The following OSBPL10 variants were observed in gnomAD, a reference collection of about 807,000 sequenced individuals.
OSBPL10 encodes oxysterol binding protein like 10.
A neutral mutation model predicts 81.7 loss-of-function variants in OSBPL10; 49 were observed. The ratio of observed to expected loss-of-function variants is 0.60; its 90% CI spans 0.48 to 0.76. The LOEUF is 0.76. OSBPL10 is among the 30% of genes least tolerant of loss of function. The pLI is 0.00. For missense variants in OSBPL10, 923 were observed against 987.8 expected (o/e 0.93, Z 0.88); for synonymous variants, 419 against 383.6 (o/e 1.09, Z -1.08).
At chr3:31,790,823 T>C (rs972414672) in intron 4 of OSBPL10, among the ~76,000 whole-genome samples, 2 of 152,194 alleles carry the variant, frequency 1.3e-5, no homozygotes, top group Non-Finnish European at 2.9e-5. Flanking sequence ...TTAACATCAT[T>C]GGAATCAGAT....
In OSBPL10 at chr3:31,728,176, A is replaced by G. The variant is rs1020334857; in HGVS notation, c.1095+5081T>C. The stretch of plus-strand genomic sequence containing the variant: ...GTACTCAGTACATAAAGATATTATA[A>G]GTTTTTCTACGCCTGCTAGATTTGT... On this transcript the variant is annotated intron_variant, in intron 6 of 11. Coordinates refer to ENST00000396556, the MANE Select transcript of OSBPL10 (RefSeq NM_017784.5). Among the ~76,000 whole-genome samples the G allele has an allele frequency of 4.6e-5, 7 of 152,374 alleles. 2 individuals carry two copies. Among genetic ancestry groups the G allele is most frequent in the Admixed American group, 2.0e-4 (3 of 15,310 alleles).
intron 6 of OSBPL10, among the ~76,000 whole-genome samples, chr3:31,716,000 C>T (rs1696420904): frequency 6.6e-6 from 1 of 152,166 alleles, no homozygotes; most frequent in Non-Finnish European, 1.5e-5. Flanking sequence ...GCAGGGACAG[C>T]AGAAAACATG....
intron 3 of OSBPL10, among the ~76,000 whole-genome samples, chr3:31,865,771 T>A (rs1359174042): frequency 6.6e-6 from 1 of 152,260 alleles, no homozygotes; most frequent in East Asian, 1.9e-4. Flanking sequence ...GTGTCATTTG[T>A]CAGATTGCCA....
chr3:32,048,664 C>A (rs1437902297), intron 1 of OSBPL10, among the ~76,000 whole-genome samples: 1 of 151,998 alleles, frequency 6.6e-6, no homozygotes, highest in Non-Finnish European at 1.5e-5. Context: ...CCCTTTAAAT[C>A]CCCCCATCCA....
At chr3:31,815,309 T>C (rs559789898) in intron 4 of OSBPL10, among the ~76,000 whole-genome samples, 1 of 152,172 alleles carries the variant, frequency 6.6e-6, no homozygotes, top group Non-Finnish European at 1.5e-5. Context: ...CAGACCAAAC[T>C]GCTGATTCGT....
At position 31,965,971 on chromosome 3, in the gene OSBPL10, TAG is replaced by T. The variant is rs1263721206; in HGVS notation, c.281+14926_281+14927del. On this transcript the variant is annotated intron_variant, in intron 1 of 11. Transcript: ENST00000396556. ...AATATATATTATATATTATATAAAA[TAG>T]ATAATATATATTATATAAAATATAA... Among the ~76,000 whole-genome samples the T allele has an allele frequency of 4.7e-5, 6 of 127,228 alleles. No homozygotes were observed. The East Asian group carries it at 9.3e-4, about 20-fold the overall frequency. 83.5% of individuals were successfully genotyped at this position (127,228 alleles called of 152,430 possible).
chr3:31,896,818 G>C (rs1432501766), intron 1 of OSBPL10, among the ~76,000 whole-genome samples: 1 of 152,194 alleles, frequency 6.6e-6, no homozygotes, highest in Non-Finnish European at 1.5e-5. Context: ...ACAGGAGGCA[G>C]AGTTAGCAAA....
At chr3:31,902,022 T>C (rs892784607) in intron 1 of OSBPL10, among the ~76,000 whole-genome samples, 1 of 152,142 alleles carries the variant, frequency 6.6e-6, no homozygotes, top group South Asian at 2.1e-4. Flanking sequence ...AGTGAGGCTC[T>C]GTCTCCAAAA....
chr3:32,039,335 TAAATA>T (rs1187306656), intron 2 of OSBPL10, among the ~76,000 whole-genome samples: 1 of 119,568 alleles, frequency 8.4e-6, no homozygotes, highest in African/African-American at 2.9e-5. Flanking sequence ...CAAAAATAAA[TAAATA>T]AATTAATTAA....
rs1235543261 is a variant in OSBPL10, at chr3:31,948,131, CA to C, written c.281+32767del. Among the ~76,000 whole-genome samples, 5 of 152,328 alleles carry C rather than the reference CA, an allele frequency of 3.3e-5. No homozygotes were observed. In the South Asian group the frequency reaches 8.3e-4, roughly 25 times the overall value. ...GAAAGGTACAGGCATGAAGTATTAG[CA>C]GCTAACTCCCTCAATTAGTCAAGGG... On this transcript the variant is annotated intron_variant, in intron 1 of 11. Coordinates refer to ENST00000396556, the MANE Select transcript of OSBPL10 (RefSeq NM_017784.5).
chr3:32,037,139 G>C (rs1284402892), intron 2 of OSBPL10, among the ~76,000 whole-genome samples: 1 of 152,194 alleles, frequency 6.6e-6, no homozygotes, highest in Non-Finnish European at 1.5e-5. Flanking sequence ...AACAGTACAT[G>C]CTGGAAGAAA....
rs532901831 is a variant in OSBPL10 at position 31,800,936 on chromosome 3, A to AT, written c.729+29103dup. ...TTTCAGGTTTTATTAATCTTCCTAG[A>AT]TTTTAATTCAGCTACAAAATAATCC... On this transcript the variant is annotated intron_variant, in intron 4 of 11. Transcript: ENST00000396556. Among the ~76,000 whole-genome samples the AT allele has an allele frequency of 1.2e-3, 181 of 152,244 alleles. 1 individual carries two copies. The highest frequency in any genetic ancestry group is 3.6e-3 in the African/African-American group (150 of 41,546).
chr3:32,071,939 T>C (rs1377223555), intron 1 of OSBPL10, among the ~76,000 whole-genome samples: 1 of 152,178 alleles, frequency 6.6e-6, no homozygotes, highest in Admixed American at 6.5e-5. Flanking sequence ...GGTTTATTGA[T>C]GGCAGTTCCA....
chr3:31,844,832 G>A (rs535511835), intron 3 of OSBPL10, among the ~76,000 whole-genome samples: 1 of 152,328 alleles, frequency 6.6e-6, no homozygotes, highest in South Asian at 2.1e-4. Context: ...CCAGCACTTT[G>A]GGAGGCCAAG....
chr3:31,811,779 T>C lies in OSBPL10; in HGVS notation c.729+18261A>G, dbSNP rs907757092. Reference sequence around the variant, plus strand: ...TTCACGTATAGGACACACAAGACAGTGGTAACAGTAGTTGCCCATCAGAGT... The same window carrying C: ...TTCACGTATAGGACACACAAGACAGCGGTAACAGTAGTTGCCCATCAGAGT... On this transcript the variant is annotated intron_variant, in intron 4 of 11. Transcript: ENST00000396556. Among the ~76,000 whole-genome samples the C allele has an allele frequency of 2.6e-5, 4 of 152,074 alleles. No individual in the cohort carries two copies. The South Asian group carries it at 8.3e-4, about 32-fold the overall frequency.
chr3:31,997,357 T>A lies in OSBPL10; in HGVS notation n.298+49134A>T, dbSNP rs775568532. Among the ~76,000 whole-genome samples, 161 of 151,712 alleles carry A rather than the reference T, an allele frequency of 1.1e-3. 7 individuals are homozygous for A. Among genetic ancestry groups the A allele is most frequent in the Non-Finnish European group, 3.4e-4 (23 of 67,954 alleles). On this transcript the variant is annotated intron_variant and non_coding_transcript_variant, in intron 2 of 3. Coordinates refer to the OSBPL10 transcript ENST00000479173. Reference sequence around the variant, plus strand: ...TCGGCTCACTGCAACCTCCGCCTCCTGGGTTCAAGGGATCCTCGTGCCTCA... The same window carrying A: ...TCGGCTCACTGCAACCTCCGCCTCCAGGGTTCAAGGGATCCTCGTGCCTCA...
intron 2 of OSBPL10, among the ~76,000 whole-genome samples, chr3:32,042,186 T>C (rs563498667): frequency 6.6e-6 from 1 of 152,336 alleles, no homozygotes; most frequent in South Asian, 2.1e-4. Flanking sequence ...TGAATGAAGA[T>C]GCTCTCAGAC....
At chr3:31,695,797 A>ACC (rs539246144) in intron 7 of OSBPL10, among the ~76,000 whole-genome samples, 20 of 151,636 alleles carry the variant, frequency 1.3e-4, no homozygotes, top group Non-Finnish European at 2.7e-4. Flanking sequence ...ACCTCTAATA[A>ACC]CCCTTTGCTC....
At chr3:31,881,345 C>T (rs1047322246) in intron 1 of OSBPL10, among the ~76,000 whole-genome samples, 7 of 152,128 alleles carry the variant, frequency 4.6e-5, no homozygotes, top group South Asian at 4.1e-4. Flanking sequence ...TCAAAGCACC[C>T]GGGTCATACA....
Sources: allele counts gnomAD v4.1 joint callset (sites outside exome capture counted in the v4.1 genomes callset), GRCh38; gene constraint gnomAD v4.1.1; transcripts MANE v1.5; gene names NCBI Gene and HGNC (gene_info 2026-07-23, HGNC 2026-07-21).